HHAT: variants seen among roughly 807,000 people sequenced by gnomAD.
HHAT encodes hedgehog acyltransferase, also known as protein-cysteine N-palmitoyltransferase HHAT.
In HHAT, 47 loss-of-function variants were observed where a neutral mutation model predicts 70.8. That is an observed-to-expected ratio of 0.66 (90% confidence interval 0.53 to 0.85). The LOEUF is 0.85. HHAT is among the 40% of genes least tolerant of loss of function. The pLI is 0.00. For synonymous variants in HHAT, 228 were observed against 247.6 expected, an observed-to-expected ratio of 0.92 and a Z score of 0.74; for missense variants, 609 against 604.8, an observed-to-expected ratio of 1.01 and a Z score of -0.07.
Position 210,623,592 on chromosome 1 carries a change from A to G in HHAT, c.1312A>G (p.Met438Val). ...HAALASCSTS[M>V]LILSNLVFLG... ...TGCCCTTGCTTCTTGTTCCACCTCG[A>G]TGCTGATCCTGTCCAACCTGGTATT... is the stretch of plus-strand genomic sequence containing the variant. The change falls in exon 11 of 12, where the codon ATG becomes GTG. Residue 438 changes from methionine (M) to valine (V), a missense_variant. Coordinates refer to ENST00000261458, the MANE Select transcript of HHAT (RefSeq NM_018194.6). 6.2e-7 allele frequency: 1 copy of G among 1,614,012 alleles called. No homozygotes were observed.
chr1:210,389,334 G>A (rs758594190), intron 4 of HHAT, among the ~76,000 whole-genome samples: 4 of 152,218 alleles, frequency 2.6e-5, no homozygotes, highest in Non-Finnish European at 5.9e-5. Context: ...AGGAGATCAC[G>A]TGGTGAGCAT....
chr1:210,468,746 TG>T (rs932800288), intron 8 of HHAT, among the ~76,000 whole-genome samples: 1 of 152,148 alleles, frequency 6.6e-6, no homozygotes, highest in African/African-American at 2.4e-5. Context: ...GACAGGATGG[TG>T]GTCCTGGAGT....
intron 4 of HHAT, among the ~76,000 whole-genome samples, chr1:210,389,953 G>T (rs913526615): frequency 1.3e-5 from 2 of 152,118 alleles, no homozygotes; most frequent in Non-Finnish European, 2.9e-5. Flanking sequence ...TGTAAAATAG[G>T]ATCAATAAGA....
intron 8 of HHAT, among the ~76,000 whole-genome samples, chr1:210,496,862 T>C (rs1348074727): frequency 1.3e-5 from 2 of 152,248 alleles, no homozygotes; most frequent in Non-Finnish European, 1.5e-5. Context: ...CCTGTACTAA[T>C]GTCCTTTCAG....
At position 210,329,176 on chromosome 1, in the gene HHAT, T is replaced by TAA. The variant is rs113095614; in HGVS notation, c.-44+81_-44+82dup. The TAA allele has an allele frequency of 3.3e-4, 367 of 1,106,806 alleles. 1 individual carries two copies. In the African/African-American group the frequency reaches 5.4e-3, roughly 16 times the overall value. The allele number at this position is 1,106,806 out of a possible 1,614,324, so 68.6% of individuals were successfully genotyped here. A position where few individuals can be genotyped will look rare whatever the true frequency, so the allele number is the denominator to read the frequency against. ...AATTTTCTGCGTCAGTTTACTCTGT[T>TAA]AAAAAAAAAATGCACAAAACGCTTT... On this transcript the variant is annotated intron_variant, in intron 1 of 11. Transcript: ENST00000261458.
In HHAT at chr1:210,335,580, C is replaced by A. The variant is rs555037363; in HGVS notation, c.-44+6476C>A. On this transcript the variant is annotated intron_variant, in intron 1 of 11. Transcript: ENST00000261458. ...CAGTGTGGTATTGCATAAAGCTACA[C>A]AGATTATGGAACTGAGTAAAGAATC... 1.5e-3 allele frequency among the ~76,000 whole-genome samples: 234 copies of A among 152,212 alleles called. 1 individual carries two copies. The highest frequency in any genetic ancestry group is 6.8e-3 in the Middle Eastern group (2 of 294).
At chr1:210,594,123 C>T (rs948568665) in intron 10 of HHAT, among the ~76,000 whole-genome samples, 6 of 152,070 alleles carry the variant, frequency 3.9e-5, no homozygotes, top group East Asian at 1.9e-4. Context: ...TCTATTCAGC[C>T]GCTCTGTCTT....
At chr1:210,457,459 T>C (rs1487429205) in intron 7 of HHAT, among the ~76,000 whole-genome samples, 1 of 152,016 alleles carries the variant, frequency 6.6e-6, no homozygotes, top group East Asian at 1.9e-4. Context: ...GAACAGAAAA[T>C]GTCCAGACGA....
intron 8 of HHAT, among the ~76,000 whole-genome samples, chr1:210,498,590 G>A (rs114137930): frequency 3.3e-5 from 5 of 152,234 alleles, no homozygotes; most frequent in African/African-American, 7.2e-5. Flanking sequence ...CATCTTCTCT[G>A]TCCAGAATGC....
chr1:210,505,238 G>T (rs1480116682), intron 8 of HHAT, among the ~76,000 whole-genome samples: 1 of 152,128 alleles, frequency 6.6e-6, no homozygotes, highest in Non-Finnish European at 1.5e-5. Context: ...TGAGACGTAG[G>T]TTAACAGATG....
At chr1:210,466,571 C>G (rs1198315282) in intron 8 of HHAT, among the ~76,000 whole-genome samples, 25 of 152,182 alleles carry the variant, frequency 1.6e-4, no homozygotes, top group Admixed American at 1.2e-3. Context: ...TGCTTGTACT[C>G]TTGCATTTCT....
chr1:210,585,820 T>C (rs1401242314), intron 9 of HHAT, among the ~76,000 whole-genome samples: 2 of 151,946 alleles, frequency 1.3e-5, no homozygotes, highest in Non-Finnish European at 2.9e-5. Context: ...CATTGGGAAA[T>C]AGGAGGATTC....
chr1:210,570,425 C>T (rs778087005), intron 9 of HHAT, among the ~76,000 whole-genome samples: 3 of 152,138 alleles, frequency 2.0e-5, no homozygotes, highest in Non-Finnish European at 4.4e-5. Flanking sequence ...TGGTGTTGGG[C>T]ATGACAATGT....
chr1:210,526,681 C>T (rs2095254574), intron 9 of HHAT, among the ~76,000 whole-genome samples: 1 of 150,572 alleles, frequency 6.6e-6, no homozygotes, highest in Admixed American at 6.6e-5. Context: ...GAGAATTATA[C>T]CAGATAAACT....
At chr1:210,369,564 A>G (rs2089350327) in intron 3 of HHAT, among the ~76,000 whole-genome samples, 1 of 152,256 alleles carries the variant, frequency 6.6e-6, no homozygotes, top group Non-Finnish European at 1.5e-5. Flanking sequence ...CATGAGTTAA[A>G]TGCACACCTG....
chr1:210,493,465 T>G (rs369351936), intron 8 of HHAT, among the ~76,000 whole-genome samples: 5 of 152,082 alleles, frequency 3.3e-5, no homozygotes. Context: ...CCACCCACAT[T>G]ATGGAGGGTA....
intron 7 of HHAT, among the ~76,000 whole-genome samples, chr1:210,439,053 C>A (rs141801590): frequency 2.0e-4 from 31 of 152,018 alleles, no homozygotes; most frequent in Middle Eastern, 3.4e-3. Flanking sequence ...CACACGTCAC[C>A]TTGGGGTTAA....
chr1:210,602,778 G>A (rs1430206175), intron 10 of HHAT, among the ~76,000 whole-genome samples: 3 of 152,014 alleles, frequency 2.0e-5, no homozygotes, highest in East Asian at 1.9e-4. Flanking sequence ...GGTGGATTAC[G>A]ACCCATTGGC....
chr1:210,413,705 A>G (rs1376610933), intron 6 of HHAT, among the ~76,000 whole-genome samples: 1 of 152,192 alleles, frequency 6.6e-6, no homozygotes, highest in Non-Finnish European at 1.5e-5. Flanking sequence ...TTTCAATACC[A>G]TGTTTCTCTT....
Sources: gnomAD v4.1 joint callset for allele counts (sites outside exome capture counted in the v4.1 genomes callset) on GRCh38, gnomAD v4.1.1 for gene constraint, MANE v1.5 for transcripts, NCBI Gene and HGNC (gene_info 2026-07-23, HGNC 2026-07-21) for gene names.